ZPLD1: variants seen among roughly 807,000 people sequenced by gnomAD.
The protein encoded by ZPLD1 is zona pellucida like domain containing 1.
Under a neutral mutation model 47.2 loss-of-function variants are expected in ZPLD1, and 34 were observed. That is an observed-to-expected ratio of 0.72 (90% CI 0.55 to 0.96). The LOEUF (loss-of-function observed/expected upper bound fraction) is 0.96. ZPLD1 is among the 40% of genes least tolerant of loss of function. The pLI, the probability that ZPLD1 is intolerant of heterozygous loss-of-function variation, is 0.00. For missense variants in ZPLD1, 512 were observed against 505.8 expected, an observed-to-expected ratio of 1.01 and a Z score of -0.12; for synonymous variants, 176 against 186.2, an observed-to-expected ratio of 0.95 and a Z score of 0.45.
chr3:102,458,918 T>C (rs1707461522), intron 6 of ZPLD1, among the ~76,000 whole-genome samples: 1 of 151,440 alleles, frequency 6.6e-6, no homozygotes, highest in South Asian at 2.1e-4. Context: ...TGAAACCCTG[T>C]CTCTACTAAA....
At chr3:102,462,256 A>G (rs1707517810) in intron 6 of ZPLD1, 25 bp from the exon 7 acceptor site, 1 of 1,482,080 alleles carries the variant, frequency 6.7e-7, no homozygotes, top group African/African-American at 1.4e-5. Context: ...AGGTAATAAT[A>G]GATTTTTTAT....
intron 11 of ZPLD1, 83 bp downstream of exon 11, chr3:102,477,124 C>T: frequency 1.3e-6 from 2 of 1,483,040 alleles, no homozygotes; most frequent in Non-Finnish European, 1.9e-6. Context: ...GTGTAATGAG[C>T]TTGAGTTTTC....
At chr3:102,436,024 A>C (rs1303182750) in intron 1 of ZPLD1, among the ~76,000 whole-genome samples, 1 of 152,224 alleles carries the variant, frequency 6.6e-6, no homozygotes, top group Non-Finnish European at 1.5e-5. Context: ...CATAAAAATC[A>C]ATATATTTTC....
intron 7 of ZPLD1, among the ~76,000 whole-genome samples, chr3:102,394,014 A>G (rs1323386850): frequency 1.3e-5 from 2 of 152,184 alleles, no homozygotes; most frequent in Non-Finnish European, 2.9e-5. Context: ...AAGAAGCAAA[A>G]CAAGTAACAA....
chr3:102,403,705 C>G (rs1280631308), intron 7 of ZPLD1, among the ~76,000 whole-genome samples: 1 of 151,942 alleles, frequency 6.6e-6, no homozygotes, highest in Non-Finnish European at 1.5e-5. Context: ...TGTGTCTTAA[C>G]TGTGGAAGTT....
At chr3:102,387,053 T>C (rs1706432013) in intron 6 of ZPLD1, among the ~76,000 whole-genome samples, 1 of 152,200 alleles carries the variant, frequency 6.6e-6, no homozygotes, top group Admixed American at 6.5e-5. Context: ...CATCCTTCCA[T>C]TAAATTACAT....
chr3:102,442,847 G>C (rs1707202488), intron 3 of ZPLD1, among the ~76,000 whole-genome samples: 1 of 152,082 alleles, frequency 6.6e-6, no homozygotes, highest in Admixed American at 6.6e-5. Flanking sequence ...AAATTTAAAG[G>C]AATGCCATTT....
chr3:102,469,741 C>A (rs560573331), intron 9 of ZPLD1, among the ~76,000 whole-genome samples: 1 of 152,050 alleles, frequency 6.6e-6, no homozygotes, highest in African/African-American at 2.4e-5. Context: ...GCCAGATGGT[C>A]GGGAAATCAC....
intron 7 of ZPLD1, among the ~76,000 whole-genome samples, chr3:102,405,209 T>A (rs1002452834): frequency 6.6e-6 from 1 of 151,956 alleles, no homozygotes; most frequent in Admixed American, 6.6e-5. Context: ...ATAAGTAGAT[T>A]GTTGAGAGTT....
intron 3 of ZPLD1, among the ~76,000 whole-genome samples, chr3:102,441,761 A>G (rs1342056518): frequency 1.3e-5 from 2 of 152,182 alleles, no homozygotes; most frequent in Non-Finnish European, 2.9e-5. Flanking sequence ...TTTTCAATAT[A>G]GACAATAACT....
intron 10 of ZPLD1, among the ~76,000 whole-genome samples, chr3:102,475,953 T>C (rs1158389787): frequency 6.6e-6 from 1 of 152,158 alleles, no homozygotes; most frequent in African/African-American, 2.4e-5. Context: ...ATTTTTCATA[T>C]TGGTCAGTTT....
intron 6 of ZPLD1, among the ~76,000 whole-genome samples, chr3:102,388,931 C>T (rs1326260811): frequency 1.3e-5 from 2 of 152,146 alleles, no homozygotes; most frequent in African/African-American, 2.4e-5. Context: ...ATCAATATTC[C>T]TATTTTTCAC....
intron 3 of ZPLD1, among the ~76,000 whole-genome samples, chr3:102,442,924 A>T (rs1198955757): frequency 2.6e-5 from 4 of 152,196 alleles, no homozygotes; most frequent in Admixed American, 2.6e-4. Context: ...TGAACCACTA[A>T]AATTACAGTT....
intron 6 of ZPLD1, among the ~76,000 whole-genome samples, chr3:102,459,089 C>CA (rs767071660): frequency 0.2 from 5,125 of 25,762 alleles, 1,592 homozygotes; most frequent in African/African-American, 0.4. Flanking sequence ...GACTCCGTCT[C>CA]AAAAAAAAAA....
intron 8 of ZPLD1, among the ~76,000 whole-genome samples, chr3:102,419,420 T>A (rs543887728): frequency 1.3e-5 from 2 of 151,972 alleles, no homozygotes; most frequent in East Asian, 1.9e-4. Flanking sequence ...TTCAGAAACA[T>A]CCTCAAAAAA....
intron 7 of ZPLD1, among the ~76,000 whole-genome samples, chr3:102,400,941 A>G (rs1205207026): frequency 6.6e-6 from 1 of 152,090 alleles, no homozygotes; most frequent in Non-Finnish European, 1.5e-5. Context: ...ACAGGTGTGG[A>G]ATATTTTCAT....
chr3:102,460,328 C>A (rs1707487287), intron 6 of ZPLD1, among the ~76,000 whole-genome samples: 1 of 151,868 alleles, frequency 6.6e-6, no homozygotes, highest in South Asian at 2.1e-4. Flanking sequence ...CGATGTAGCA[C>A]AATAGTTTAT....
intron 7 of ZPLD1, among the ~76,000 whole-genome samples, chr3:102,393,124 A>T (rs147572022): frequency 6.6e-6 from 1 of 152,290 alleles, no homozygotes; most frequent in East Asian, 1.9e-4. Context: ...GTAATTATAT[A>T]TTGGAACTAA....
intron 5 of ZPLD1, 28 bp from the exon 6 acceptor site, chr3:102,457,753 T>A: frequency 6.2e-7 from 1 of 1,608,610 alleles, no homozygotes; most frequent in Non-Finnish European, 8.5e-7. Flanking sequence ...ATCTCATCAG[T>A]GCTTTCCTTT....
Sources: gnomAD v4.1 joint callset for allele counts (sites outside exome capture counted in the v4.1 genomes callset) on GRCh38, gnomAD v4.1.1 for gene constraint, MANE v1.5 for transcripts, NCBI Gene and HGNC (gene_info 2026-07-23, HGNC 2026-07-21) for gene names.